The following SLC29A3 variants were observed in gnomAD, a reference collection of about 807,000 sequenced individuals.
The protein encoded by SLC29A3 is equilibrative nucleoside transporter 3.
SLC29A3 carries 18 observed loss-of-function variants against 25.4 expected under a neutral mutation model. The observed-to-expected ratio is 0.71, with a 90% CI of 0.49 to 1.05. The LOEUF is 1.05. Ranked by LOEUF, SLC29A3 falls within the 50% of genes least tolerant of loss-of-function variation. SLC29A3 has a pLI of 0.00. For missense variants in SLC29A3, 586 were observed against 609.0 expected (o/e 0.96, Z 0.40); for synonymous variants, 258 against 267.1 (o/e 0.97, Z 0.33).
intron 4 of SLC29A3, among the ~76,000 whole-genome samples, chr10:71,353,430 C>G (rs189471734): frequency 6.6e-6 from 1 of 152,342 alleles, no homozygotes; most frequent in East Asian, 1.9e-4. Flanking sequence ...TCCATCCTTG[C>G]TGGCAGGCTC....
chr10:71,335,685 A>T (rs1846230690), intron 2 of SLC29A3, among the ~76,000 whole-genome samples: 2 of 152,068 alleles, frequency 1.3e-5, no homozygotes, highest in Non-Finnish European at 2.9e-5. Context: ...GAAAAGGAGG[A>T]TGACCATGGG....
rs1306270753 is a variant in SLC29A3, at chr10:71,322,879, G to A, written c.125G>A (p.Gly42Asp). The change falls in exon 2 of 6, where the codon GGC (glycine) becomes GAC (aspartate). Residue 42 changes from glycine to aspartate, a missense_variant. Physicochemically the swap from Gly to Asp is moderately conservative, Grantham distance 94. Transcript: ENST00000373189. The part of the protein sequence containing the change: ...LEKLLDRPPP[G>D]LQRPEDRFCG... ...AAGCTGCTGGACCGCCCGCCCCCTG[G>A]CCTGCAGAGGCCCGAGGACCGCTTC... 1.9e-6 allele frequency: 3 copies of A among 1,614,122 alleles called. No individual in the cohort carries two copies. The highest frequency in any genetic ancestry group is 1.7e-6 in the Non-Finnish European group (2 of 1,180,056).
At chr10:71,342,783 A>G (rs367712878) in intron 2 of SLC29A3, among the ~76,000 whole-genome samples, 15 of 152,342 alleles carry the variant, frequency 9.8e-5, no homozygotes, top group South Asian at 4.1e-4. Context: ...GGGCAGGAAC[A>G]ATGAGGTGCA....
chr10:71,339,933 C>T (rs1372340792), intron 2 of SLC29A3, among the ~76,000 whole-genome samples: 2 of 152,146 alleles, frequency 1.3e-5, no homozygotes, highest in Non-Finnish European at 2.9e-5. Context: ...ACGCAGGTGC[C>T]ACAGCTCCTC....
At chr10:71,348,234 G>A (rs964115046) in intron 3 of SLC29A3, among the ~76,000 whole-genome samples, 1 of 152,240 alleles carries the variant, frequency 6.6e-6, no homozygotes, top group East Asian at 1.9e-4. Context: ...TGCCTTTGCA[G>A]CGCGCCTCAT....
intron 4 of SLC29A3, among the ~76,000 whole-genome samples, chr10:71,355,208 G>A (rs1043578956): frequency 6.6e-6 from 1 of 152,170 alleles, no homozygotes; most frequent in Non-Finnish European, 1.5e-5. Context: ...GAGAAGCCAC[G>A]TTACCCCTAG....
At chr10:71,328,081 G>A (rs549434475) in intron 2 of SLC29A3, among the ~76,000 whole-genome samples, 6 of 152,120 alleles carry the variant, frequency 3.9e-5, no homozygotes, top group Non-Finnish European at 5.9e-5. Context: ...CCCCACAGCC[G>A]CTCTCTACAC....
chr10:71,332,425 C>T (rs1031581130), intron 2 of SLC29A3, among the ~76,000 whole-genome samples: 12 of 152,186 alleles, frequency 7.9e-5, no homozygotes, highest in African/African-American at 2.4e-4. Flanking sequence ...GCTGGGATTA[C>T]AGGCGTGAAC....
chr10:71,356,114 C>T lies in SLC29A3; in HGVS notation c.644C>T (p.Ala215Val). 6.2e-7 allele frequency: 1 copy of T among 1,614,186 alleles called. No individual in the cohort carries two copies. The highest frequency in any genetic ancestry group is 8.5e-7 in the Non-Finnish European group (1 of 1,180,044). The change falls in exon 5 of 6, where the codon GCC becomes GTC. Residue 215 changes from alanine (A) to valine (V), a missense_variant. Coordinates refer to ENST00000373189, the MANE Select transcript of SLC29A3 (RefSeq NM_018344.6). ...ATGGGCGGGACGGTCAGCGCCGTGG[C>T]CTCATTGGTGGACTTGGCTGCATCC... ...GAMGGTVSAV[A>V]SLVDLAASSD...
At chr10:71,356,875 T>C (rs1846927813) in intron 5 of SLC29A3, among the ~76,000 whole-genome samples, 1 of 152,196 alleles carries the variant, frequency 6.6e-6, no homozygotes. Flanking sequence ...CTGTTCCTCT[T>C]AGAGTACAGT....
intron 2 of SLC29A3, among the ~76,000 whole-genome samples, chr10:71,342,404 T>C (rs1197543523): frequency 6.6e-6 from 1 of 152,224 alleles, no homozygotes; most frequent in Non-Finnish European, 1.5e-5. Context: ...AGAAAGAGAC[T>C]CAGAGTCTTA....
chr10:71,362,885 T>G lies in SLC29A3; in HGVS notation c.*277T>G. On this transcript the variant is annotated 3_prime_UTR_variant, in exon 6 of 6. Coordinates refer to ENST00000373189, the MANE Select transcript of SLC29A3 (RefSeq NM_018344.6). ...CTCCCTTCACAGCTGATGGTTAACA[T>G]TCCACCTTCTTTCTAGCCCTTCAAA... The G allele has an allele frequency of 4.9e-6, 3 of 616,270 alleles. No individual in the cohort carries two copies. Among genetic ancestry groups the G allele is most frequent in the Non-Finnish European group, 6.0e-6 (2 of 331,672 alleles). The allele number at this position is 616,270 out of a possible 1,614,324, so 38.2% of individuals were successfully genotyped here. A position where few individuals can be genotyped will look rare whatever the true frequency, so the allele number is the denominator to read the frequency against.
At chr10:71,333,997 G>A (rs1412219376) in intron 2 of SLC29A3, among the ~76,000 whole-genome samples, 1 of 152,212 alleles carries the variant, frequency 6.6e-6, no homozygotes, top group African/African-American at 2.4e-5. Context: ...GCTTGGCCGA[G>A]GCAGGGTATA....
Position 71,351,532 on chromosome 10 carries a change from G to A in SLC29A3, c.384-30G>A, listed in dbSNP as rs1846758055. 5.6e-6 allele frequency: 9 copies of A among 1,608,844 alleles called. No individual in the cohort carries two copies. The East Asian group carries it at 1.6e-4, about 28-fold the overall frequency. On this transcript the variant is annotated intron_variant, in intron 3 of 5. Coordinates refer to ENST00000373189, the MANE Select transcript of SLC29A3 (RefSeq NM_018344.6). ...GCCCACACAGGAGCCCCGAAGGGGTGTCTAACTGCTTCTGGCATCCTCGCC... is the reference window on the plus strand; with the variant it reads ...GCCCACACAGGAGCCCCGAAGGGGTATCTAACTGCTTCTGGCATCCTCGCC...
chr10:71,351,503 C>A, intron 3 of SLC29A3, 59 bp from the exon 4 acceptor site: 2 of 1,537,294 alleles, frequency 1.3e-6, no homozygotes, highest in Non-Finnish European at 1.8e-6. Context: ...GCTCACCAGC[C>A]CCAGCCCACA....
chr10:71,329,435 G>A (rs1846067326), intron 2 of SLC29A3, among the ~76,000 whole-genome samples: 2 of 136,270 alleles, frequency 1.5e-5, no homozygotes, highest in African/African-American at 6.0e-5. Flanking sequence ...TCCAGCCTGG[G>A]CAACAGAGCA....
At chr10:71,379,954 T>C (rs1419016981) in exon 5 of SLC29A3, 1 of 152,186 alleles carries the variant, frequency 6.6e-6, no homozygotes, top group East Asian at 1.9e-4. Flanking sequence ...GCCCACAGCA[T>C]GTGACCAAGC....
Position 71,362,419 on chromosome 10 carries a change from G to A in SLC29A3, c.1239G>A (p.Val413=). Reference sequence around the variant, plus strand: ...AGACTGTGGTCTTCCAGTCCGATGTGTACCCCGCACTCCTCAGCTCCCTGC... The same window carrying A: ...AGACTGTGGTCTTCCAGTCCGATGTATACCCCGCACTCCTCAGCTCCCTGC... ...HLKTVVFQSD[V]YPALLSSLLG... The change falls in exon 6 of 6, where the codon GTG becomes GTA. Residue 413 remains valine, a synonymous_variant. Transcript: ENST00000373189. 6.2e-7 allele frequency: 1 copy of A among 1,614,178 alleles called. No individual in the cohort carries two copies. The highest frequency in any genetic ancestry group is 8.5e-7 in the Non-Finnish European group (1 of 1,180,048).
intron 2 of SLC29A3, among the ~76,000 whole-genome samples, chr10:71,342,524 C>G (rs915349271): frequency 6.6e-6 from 1 of 152,270 alleles, no homozygotes; most frequent in African/African-American, 2.4e-5. Flanking sequence ...ATTCAGGGAA[C>G]CTGAGCCTGC....
Sources: gnomAD v4.1 joint callset for allele counts (sites outside exome capture counted in the v4.1 genomes callset) on GRCh38, gnomAD v4.1.1 for gene constraint, MANE v1.5 for transcripts, NCBI Gene and HGNC (gene_info 2026-07-23, HGNC 2026-07-21) for gene names.